RANBP9: variants seen among roughly 807,000 people sequenced by gnomAD.
The protein encoded by RANBP9 is RAN binding protein 9, also known as ran-binding protein 9.
RANBP9 carries 15 observed loss-of-function variants against 84.3 expected under a neutral mutation model. That is an observed-to-expected ratio of 0.18 (90% CI 0.12 to 0.27). The LOEUF (loss-of-function observed/expected upper bound fraction) is 0.27, where lower values mean the gene tolerates loss of function less well. Ranked by LOEUF, RANBP9 falls within the 10% of genes least tolerant of loss-of-function variation. The probability of loss-of-function intolerance (pLI) is 1.00; values close to 1 mark genes in which losing one functional copy is unlikely to be tolerated. For synonymous variants in RANBP9, 392 were observed against 349.6 expected (o/e 1.12, Z -1.35); for missense variants, 809 against 912.8 (o/e 0.89, Z 1.46).
intron 2 of RANBP9, among the ~76,000 whole-genome samples, chr6:13,672,646 G>C (rs1199016412): frequency 6.6e-6 from 1 of 151,992 alleles, no homozygotes; most frequent in African/African-American, 2.4e-5. Flanking sequence ...AAATTGCAAG[G>C]CATGTAACAG....
At chr6:13,695,403 T>TG (rs538938125) in intron 2 of RANBP9, among the ~76,000 whole-genome samples, 2 of 132,686 alleles carry the variant, frequency 1.5e-5, no homozygotes, top group African/African-American at 5.3e-5. Flanking sequence ...AACCAAATGT[T>TG]TTTTTTTTTT....
At chr6:13,666,528 A>T (rs1281938494) in intron 2 of RANBP9, among the ~76,000 whole-genome samples, 1 of 149,226 alleles carries the variant, frequency 6.7e-6, no homozygotes, top group Non-Finnish European at 1.5e-5. Flanking sequence ...AAAGGAAAAC[A>T]AAACTGGGAG....
At chr6:13,688,289 G>A (rs1228735613) in intron 2 of RANBP9, among the ~76,000 whole-genome samples, 2 of 152,102 alleles carry the variant, frequency 1.3e-5, no homozygotes, top group Non-Finnish European at 2.9e-5. Context: ...TAACATCTCT[G>A]TTCATATCCT....
In RANBP9 at chr6:13,625,718, A is replaced by G. The variant is rs1364005345; in HGVS notation, c.1994T>C (p.Val665Ala). 10 of 1,613,122 alleles carry G rather than the reference A, an allele frequency of 6.2e-6. No homozygotes were observed. Among genetic ancestry groups the G allele is most frequent in the African/African-American group, 1.3e-5 (1 of 74,884 alleles). The change falls in exon 13 of 14, where the codon GTT becomes GCT. Residue 665 changes from valine (V) to alanine (A), a missense_variant. Val to Ala is a moderately conservative substitution (Grantham distance 64, BLOSUM62 0). Transcript: ENST00000011619. ...LAYSDPWNSP[V>A]GNQLDPIQRE... ...CTGAATCGGGTCAAGCTGATTTCCA[A>G]CTGGGCTGTTCCAGGGATCTGAATA...
At chr6:13,667,140 G>C (rs1243622754) in intron 2 of RANBP9, among the ~76,000 whole-genome samples, 1 of 152,148 alleles carries the variant, frequency 6.6e-6, no homozygotes, top group East Asian at 1.9e-4. Context: ...TGTCAACGTA[G>C]ATCATCACAA....
intron 2 of RANBP9, among the ~76,000 whole-genome samples, chr6:13,663,791 G>A (rs1158002622): frequency 6.6e-6 from 1 of 151,988 alleles, no homozygotes; most frequent in African/African-American, 2.4e-5. Context: ...TATACTAGGG[G>A]AAAATTCCTA....
chr6:13,625,073 C>T (rs1764563526), intron 13 of RANBP9, among the ~76,000 whole-genome samples: 1 of 152,224 alleles, frequency 6.6e-6, no homozygotes. Context: ...TATTCAAGCT[C>T]TTCACTCCCT....
chr6:13,682,152 G>A (rs986754765), intron 2 of RANBP9, among the ~76,000 whole-genome samples: 6 of 151,892 alleles, frequency 4.0e-5, no homozygotes, highest in Non-Finnish European at 5.9e-5. Flanking sequence ...GTGAGCCACC[G>A]CACCTGGGCC....
In RANBP9 at chr6:13,711,646, G is replaced by C; in HGVS notation, c.-141C>G. ...AAGCAGGCGGCGGGCCGCGCGCCCA[G>C]GGAGACCGCGGCGGTTGAGGAGCTC... On this transcript the variant is annotated 5_prime_UTR_variant, in exon 1 of 14. Coordinates refer to ENST00000011619, the MANE Select transcript of RANBP9 (RefSeq NM_005493.3). 3 of 719,020 alleles carry C rather than the reference G, an allele frequency of 4.2e-6. No homozygotes were observed. The highest frequency in any genetic ancestry group is 5.6e-6 in the Non-Finnish European group (3 of 538,684). 44.5% of individuals were successfully genotyped at this position (719,020 alleles called of 1,614,324 possible). A position where few individuals can be genotyped will look rare whatever the true frequency, so the allele number is the denominator to read the frequency against.
In RANBP9 at chr6:13,695,043, A is replaced by T. The variant is rs117468898; in HGVS notation, c.683+1742T>A. Among the ~76,000 whole-genome samples the T allele has an allele frequency of 8.3e-4, 127 of 152,336 alleles. 2 individuals are homozygous for T. In the East Asian group the frequency reaches 0.021, roughly 25 times the overall value. On this transcript the variant is annotated intron_variant, in intron 2 of 13. Coordinates refer to ENST00000011619, the MANE Select transcript of RANBP9 (RefSeq NM_005493.3). ...ATGTGTAAAATATACCTAATTTTAA[A>T]AACAAAAGAAAAAGGGTAAGGTATC... is the stretch of plus-strand genomic sequence containing the variant.
At chr6:13,657,302 AC>A in intron 3 of RANBP9, 26 bp from the exon 4 acceptor site, 2 of 1,592,562 alleles carry the variant, frequency 1.3e-6, no homozygotes, top group Non-Finnish European at 1.7e-6. Flanking sequence ...CGGCATATTT[AC>A]AATGAAAAGT....
intron 5 of RANBP9, among the ~76,000 whole-genome samples, chr6:13,652,101 C>G (rs1562305635): frequency 6.6e-6 from 1 of 152,220 alleles, no homozygotes; most frequent in African/African-American, 2.4e-5. Flanking sequence ...CTTGTACAAC[C>G]TTGTGTCCTA....
In RANBP9 at chr6:13,691,543, A is replaced by G. The variant is rs961403482; in HGVS notation, c.683+5242T>C. ...TCTTTCTACCCTATTGAAAGAGGCA[A>G]TTCACATCCAACTCTTGCCATTTCA... On this transcript the variant is annotated intron_variant, in intron 2 of 13. Coordinates refer to ENST00000011619, the MANE Select transcript of RANBP9 (RefSeq NM_005493.3). Among the ~76,000 whole-genome samples the G allele has an allele frequency of 2.8e-4, 42 of 152,346 alleles. 1 individual carries two copies. The highest frequency in any genetic ancestry group is 5.6e-4 in the Non-Finnish European group (38 of 68,026).
intron 1 of RANBP9, among the ~76,000 whole-genome samples, chr6:13,706,104 G>A (rs946133878): frequency 1.3e-5 from 2 of 152,110 alleles, no homozygotes; most frequent in Admixed American, 1.3e-4. Context: ...AGCACTTTGG[G>A]AGGCCGAGGC....
intron 1 of RANBP9, among the ~76,000 whole-genome samples, chr6:13,708,648 G>A (rs746476455): frequency 6.6e-6 from 1 of 152,134 alleles, no homozygotes; most frequent in African/African-American, 2.4e-5. Context: ...GCAGCACAAT[G>A]ATAGGTTAAA....
chr6:13,681,074 A>G (rs1766024403), intron 2 of RANBP9, among the ~76,000 whole-genome samples: 1 of 152,234 alleles, frequency 6.6e-6, no homozygotes, highest in Non-Finnish European at 1.5e-5. Flanking sequence ...ACAATTAACA[A>G]AAAAGAGAAT....
intron 3 of RANBP9, 22 bp downstream of exon 3, chr6:13,658,758 T>C (rs1232752675): frequency 1.3e-6 from 2 of 1,528,280 alleles, no homozygotes; most frequent in Admixed American, 3.3e-5. Context: ...GACATAATAC[T>C]GTAATTCAAT....
Position 13,696,932 on chromosome 6 carries a change from G to A in RANBP9, c.572-36C>T, listed in dbSNP as rs765970521. The A allele has an allele frequency of 4.6e-6, 7 of 1,508,024 alleles. No homozygotes were observed. In the South Asian group the frequency reaches 8.2e-5, roughly 18 times the overall value. 93.4% of individuals were successfully genotyped at this position (1,508,024 alleles called of 1,614,324 possible). A position where few individuals can be genotyped will look rare whatever the true frequency, so the allele number is the denominator to read the frequency against. On this transcript the variant is annotated intron_variant, in intron 1 of 13. Transcript: ENST00000011619. ...ACAGGAAGGAAAAAAGAAGTCACATGAGATATTCACTGAAAGATGAAAACC... is the reference window on the plus strand; with the variant it reads ...ACAGGAAGGAAAAAAGAAGTCACATAAGATATTCACTGAAAGATGAAAACC...
intron 2 of RANBP9, among the ~76,000 whole-genome samples, chr6:13,670,354 AAATT>A (rs769030885): frequency 1.3e-5 from 2 of 152,208 alleles, no homozygotes; most frequent in South Asian, 4.1e-4. Context: ...CCATATATAA[AAATT>A]AACACAAAAT....
Sources: gnomAD v4.1 joint callset for allele counts (sites outside exome capture counted in the v4.1 genomes callset) on GRCh38, gnomAD v4.1.1 for gene constraint, MANE v1.5 for transcripts, NCBI Gene and HGNC (gene_info 2026-07-23, HGNC 2026-07-21) for gene names.